The following ANKS1B variants were observed in gnomAD, a reference collection of about 807,000 sequenced individuals.
ANKS1B encodes the protein ankyrin repeat and sterile alpha motif domain-containing protein 1B.
A neutral mutation model predicts 148.3 loss-of-function variants in ANKS1B; 36 were observed. The ratio of observed to expected loss-of-function variants is 0.24; its 90% confidence interval spans 0.19 to 0.32. The LOEUF is 0.32. Ranked by LOEUF, ANKS1B falls within the 10% of genes least tolerant of loss-of-function variation. The pLI is 1.00. For synonymous variants in ANKS1B, 542 were observed against 560.8 expected (o/e 0.97, Z 0.47); for missense variants, 1,157 against 1,542.6 (o/e 0.75, Z 4.19).
chr12:99,963,606 A>AT (rs1384174078), intron 1 of ANKS1B, among the ~76,000 whole-genome samples: 2 of 152,226 alleles, frequency 1.3e-5, no homozygotes, highest in Admixed American at 6.5e-5. Context: ...TAATGATAGC[A>AT]TTTTTTTGGC....
At chr12:99,815,914 C>T (rs2069063131) in intron 2 of ANKS1B, among the ~76,000 whole-genome samples, 1 of 151,752 alleles carries the variant, frequency 6.6e-6, no homozygotes, top group Admixed American at 6.6e-5. Context: ...GGTTCCATAT[C>T]CTTGCAAATG....
chr12:98,812,861 T>G (rs140774187), intron 19 of ANKS1B, among the ~76,000 whole-genome samples: 141 of 152,270 alleles, frequency 9.3e-4, no homozygotes, highest in African/African-American at 3.3e-3. Context: ...AAAATTATTT[T>G]TTTAAAAAAT....
At chr12:99,894,289 AAGGGAGGG>A (rs752609673) in intron 1 of ANKS1B, among the ~76,000 whole-genome samples, 40 of 45,832 alleles carry the variant, frequency 8.7e-4, no homozygotes, top group African/African-American at 3.0e-3. Context: ...GGAAGGAAGG[AAGGGAGGG>A]AGGGAGGGAG....
chr12:99,518,915 T>C (rs1300998247), intron 9 of ANKS1B, among the ~76,000 whole-genome samples: 1 of 152,136 alleles, frequency 6.6e-6, no homozygotes, highest in African/African-American at 2.4e-5. Context: ...CATTTTGGTA[T>C]GTTGTGTTTC....
At chr12:98,800,874 CA>C in intron 21 of ANKS1B, 122 bp downstream of exon 21, 2 of 1,231,686 alleles carry the variant, frequency 1.6e-6, no homozygotes, top group Non-Finnish European at 2.2e-6. Flanking sequence ...AAGAGAAAAA[CA>C]TTTTAAAAAT....
chr12:99,673,485 C>T (rs193113473), intron 8 of ANKS1B, among the ~76,000 whole-genome samples: 2 of 152,060 alleles, frequency 1.3e-5, no homozygotes, highest in East Asian at 3.9e-4. Flanking sequence ...ATTATGTTGA[C>T]CTTATATTTT....
chr12:99,430,075 A>T (rs2095342632), intron 11 of ANKS1B, among the ~76,000 whole-genome samples: 1 of 151,900 alleles, frequency 6.6e-6, no homozygotes, highest in African/African-American at 2.4e-5. Flanking sequence ...TCTTTAGAAA[A>T]AAAAGATCTT....
intron 17 of ANKS1B, among the ~76,000 whole-genome samples, chr12:99,047,570 C>A (rs534433735): frequency 1.3e-5 from 2 of 152,130 alleles, no homozygotes; most frequent in South Asian, 4.2e-4. Context: ...AAAGACAACA[C>A]CTTCAGTGCA....
At chr12:98,774,021 T>C (rs2098638561) in intron 24 of ANKS1B, among the ~76,000 whole-genome samples, 1 of 152,204 alleles carries the variant, frequency 6.6e-6, no homozygotes, top group South Asian at 2.1e-4. Flanking sequence ...CTCAAGGTGC[T>C]TTCTCCGTGG....
In ANKS1B at chr12:98,757,937, CGTGT is replaced by C. The variant is rs34397440; in HGVS notation, c.3580-6419_3580-6416del. Among the ~76,000 whole-genome samples, 280 of 113,184 alleles carry C rather than the reference CGTGT, an allele frequency of 2.5e-3. 1 individual carries two copies. Among genetic ancestry groups the C allele is most frequent in the African/African-American group, 7.3e-3 (239 of 32,744 alleles). The allele number at this position is 113,184 out of a possible 152,430, so 74.3% of individuals were successfully genotyped here. ...AGCTGCATGTGTGTGCATGTGTGCACGTGTGTGTGTGTGTGTGTGTGCACACGGG... is the reference window on the plus strand; with the variant it reads ...AGCTGCATGTGTGTGCATGTGTGCACGTGTGTGTGTGTGTGTGCACACGGG... On this transcript the variant is annotated intron_variant, in intron 25 of 26. Transcript: ENST00000683438.
chr12:99,678,089 G>A (rs1273548705), intron 8 of ANKS1B, among the ~76,000 whole-genome samples: 2 of 152,118 alleles, frequency 1.3e-5, no homozygotes, highest in African/African-American at 4.8e-5. Context: ...ACTCTGTTGT[G>A]GTGTACCTTA....
intron 12 of ANKS1B, among the ~76,000 whole-genome samples, chr12:99,274,368 A>T (rs745991873): frequency 4.6e-5 from 7 of 152,180 alleles, no homozygotes; most frequent in Non-Finnish European, 8.8e-5. Context: ...TCTAACAAGA[A>T]GAAGACAGGT....
chr12:99,872,439 A>G (rs1434978797), intron 1 of ANKS1B, among the ~76,000 whole-genome samples: 1 of 152,088 alleles, frequency 6.6e-6, no homozygotes. Context: ...ATCAGGGGAA[A>G]AATAAGGAGA....
intron 12 of ANKS1B, among the ~76,000 whole-genome samples, chr12:99,330,491 C>T (rs1260858732): frequency 1.3e-5 from 2 of 151,908 alleles, no homozygotes; most frequent in African/African-American, 4.8e-5. Flanking sequence ...CTCTGAAATT[C>T]GACAACTTTG....
At chr12:99,797,507 C>A (rs914278418) in intron 4 of ANKS1B, among the ~76,000 whole-genome samples, 1 of 151,828 alleles carries the variant, frequency 6.6e-6, no homozygotes, top group African/African-American at 2.4e-5. Flanking sequence ...TCCTGCTTTT[C>A]TTATGGATCA....
chr12:99,252,675 G>A (rs939151600), intron 12 of ANKS1B, among the ~76,000 whole-genome samples: 1 of 152,164 alleles, frequency 6.6e-6, no homozygotes, highest in Non-Finnish European at 1.5e-5. Flanking sequence ...ATCAGATACT[G>A]ATTTCCCAAA....
intron 9 of ANKS1B, among the ~76,000 whole-genome samples, chr12:99,570,732 C>T (rs1597303924): frequency 6.6e-6 from 1 of 151,348 alleles, no homozygotes; most frequent in East Asian, 1.9e-4. Context: ...TTATACTATT[C>T]TCCCTATCTC....
chr12:99,077,880 T>C (rs2048360629), intron 16 of ANKS1B, among the ~76,000 whole-genome samples: 1 of 152,208 alleles, frequency 6.6e-6, no homozygotes, highest in Non-Finnish European at 1.5e-5. Flanking sequence ...TAACCTGTGA[T>C]CTCATCATAT....
chr12:99,490,101 T>A (rs2096541374), intron 10 of ANKS1B, among the ~76,000 whole-genome samples: 1 of 152,238 alleles, frequency 6.6e-6, no homozygotes, highest in South Asian at 2.1e-4. Context: ...TCTGTTACCC[T>A]ATGTTTAATA....
Sources: allele counts gnomAD v4.1 joint callset (sites outside exome capture counted in the v4.1 genomes callset), GRCh38; gene constraint gnomAD v4.1.1; transcripts MANE v1.5; gene names NCBI Gene and HGNC (gene_info 2026-07-23, HGNC 2026-07-21).